Variants in EVC2 observed in about 807,000 individuals in gnomAD.
EVC2 encodes limbin.
Under a neutral mutation model 149.3 loss-of-function variants are expected in EVC2, and 148 were observed. The observed-to-expected ratio is 0.99, with a 90% CI of 0.87 to 1.14. The LOEUF (loss-of-function observed/expected upper bound fraction) is 1.14, where lower values mean the gene tolerates loss of function less well. Among genes scored for constraint, EVC2 ranks in the 50% most tolerant of loss-of-function variants. EVC2 has a pLI of 0.00. For missense variants in EVC2, 1,854 were observed against 1,627.3 expected, an observed-to-expected ratio of 1.14 and a Z score of -2.40; for synonymous variants, 776 against 649.9, an observed-to-expected ratio of 1.19 and a Z score of -2.95.
chr4:5,647,776 A>T (rs1717830484), intron 9 of EVC2, among the ~76,000 whole-genome samples: 1 of 152,216 alleles, frequency 6.6e-6, no homozygotes, highest in Non-Finnish European at 1.5e-5. Flanking sequence ...GTTTCATGGC[A>T]AAGGGGAATT....
rs893890130 is a variant in EVC2 at position 5,689,204 on chromosome 4, T to A, written c.659A>T (p.Asn220Ile). ...AGLTIWDSVG[N>I]RTSEGFQAFS... ...AGCCTGGAATCCTTCCGAGGTCCTG[T>A]TTCCCACAGAGTCCCAAATGGTGAG... The change falls in exon 5 of 22, where the codon AAC (asparagine) becomes ATC (isoleucine). Residue 220 changes from asparagine (N) to isoleucine (I), a missense_variant. Coordinates refer to ENST00000344408, the MANE Select transcript of EVC2 (RefSeq NM_147127.5). The A allele has an allele frequency of 1.2e-6, 2 of 1,614,216 alleles. No individual in the cohort carries two copies. The highest frequency in any genetic ancestry group is 8.5e-7 in the Non-Finnish European group (1 of 1,180,034).
chr4:5,554,009 T>C (rs1346618426), intron 21 of EVC2, among the ~76,000 whole-genome samples: 6 of 152,114 alleles, frequency 3.9e-5, no homozygotes, highest in African/African-American at 1.4e-4. Context: ...CACATATGCA[T>C]TGCCATATAC....
chr4:5,692,788 A>C (rs1721203338), intron 3 of EVC2, among the ~76,000 whole-genome samples: 1 of 145,692 alleles, frequency 6.9e-6, no homozygotes, highest in South Asian at 2.2e-4. Flanking sequence ...AATGGCGTGA[A>C]CCCGGGAAGC....
chr4:5,573,838 T>C (rs948112485), intron 19 of EVC2, among the ~76,000 whole-genome samples: 3 of 152,058 alleles, frequency 2.0e-5, no homozygotes, highest in African/African-American at 7.2e-5. Flanking sequence ...GACTCGCACC[T>C]CCCCTGCAGC....
chr4:5,584,808 C>T lies in EVC2; in HGVS notation c.2872G>A (p.Ala958Thr). 3 of 1,614,162 alleles carry T rather than the reference C, an allele frequency of 1.9e-6. No individual in the cohort carries two copies. The highest frequency in any genetic ancestry group is 1.1e-5 in the South Asian group (1 of 91,086). ...GACTGTGCAAAGCCTCCCTCCTGTGCCTCCATCCGCTGCACTCTCTCCCGC... is the reference window on the plus strand; with the variant it reads ...GACTGTGCAAAGCCTCCCTCCTGTGTCTCCATCCGCTGCACTCTCTCCCGC... Reference protein sequence around the residue: ...LLRERVQRMEAQEGGFAQSLV... With the variant: ...LLRERVQRMETQEGGFAQSLV... Residue 958 changes from alanine (A) to threonine (T), a missense_variant, in exon 17 of 22, where the codon GCA becomes ACA. Transcript: ENST00000344408.
chr4:5,587,060 C>T (rs1027517382), intron 16 of EVC2, among the ~76,000 whole-genome samples: 3 of 152,192 alleles, frequency 2.0e-5, no homozygotes, highest in South Asian at 2.1e-4. Context: ...ACGTTAAAAA[C>T]GTCACACTCC....
intron 21 of EVC2, among the ~76,000 whole-genome samples, chr4:5,554,041 G>A (rs933891852): frequency 6.6e-6 from 1 of 152,150 alleles, no homozygotes; most frequent in Non-Finnish European, 1.5e-5. Context: ...GAAAAAATAG[G>A]AACATGACAG....
At chr4:5,655,468 C>T (rs1200488257) in intron 9 of EVC2, among the ~76,000 whole-genome samples, 1 of 152,146 alleles carries the variant, frequency 6.6e-6, no homozygotes, top group Non-Finnish European at 1.5e-5. Flanking sequence ...CTGTGTCCAG[C>T]CTCCTGCAGT....
chr4:5,691,275 T>G lies in EVC2; in HGVS notation c.509A>C (p.Lys170Thr). 6.2e-7 allele frequency: 1 copy of G among 1,613,602 alleles called. No homozygotes were observed. The highest frequency in any genetic ancestry group is 8.5e-7 in the Non-Finnish European group (1 of 1,179,628). The change falls in exon 4 of 22, where the codon AAA (lysine) becomes ACA (threonine). Residue 170 changes from lysine (K) to threonine (T), a missense_variant. By Grantham distance (78) the Lys-to-Thr change is moderately conservative. Transcript: ENST00000344408. ...CCAGTGGAAACTTACCAGTGCACAT[T>G]TCTGAAAAATTACTCCATTTTCAGA... ...GTSENGVIFQ[K>T]CALVSGSSEA...
At chr4:5,595,635 T>C (rs373438134) in intron 16 of EVC2, among the ~76,000 whole-genome samples, 4 of 152,232 alleles carry the variant, frequency 2.6e-5, no homozygotes, top group Non-Finnish European at 4.4e-5. Context: ...TAAAGACCAT[T>C]GAGGCTAGGA....
intron 7 of EVC2, among the ~76,000 whole-genome samples, chr4:5,676,925 C>G (rs372606924): frequency 2.6e-5 from 4 of 152,066 alleles, no homozygotes; most frequent in African/African-American, 9.7e-5. Context: ...TGCTGCCGCA[C>G]GCTCCATTAC....
chr4:5,608,812 C>T (rs1321927609), intron 16 of EVC2, among the ~76,000 whole-genome samples: 1 of 152,094 alleles, frequency 6.6e-6, no homozygotes, highest in African/African-American at 2.4e-5. Flanking sequence ...GGATTACAGG[C>T]ATGAGCCACG....
chr4:5,632,653 G>C (rs757400201), intron 10 of EVC2, among the ~76,000 whole-genome samples: 3 of 152,138 alleles, frequency 2.0e-5, no homozygotes, highest in African/African-American at 7.2e-5. Flanking sequence ...CCCAAGTGGA[G>C]ATCCTTTGGG....
chr4:5,531,246 C>T, the EVC2 span, among the ~76,000 whole-genome samples: 7 of 152,112 alleles, frequency 4.6e-5, no homozygotes, highest in East Asian at 1.9e-4. Flanking sequence ...TTACCCAGGG[C>T]GCTCCAGGGA....
chr4:5,705,195 A>G (rs1159261184), intron 1 of EVC2, among the ~76,000 whole-genome samples: 1 of 152,216 alleles, frequency 6.6e-6, no homozygotes, highest in African/African-American at 2.4e-5. Flanking sequence ...TACTTCAAGT[A>G]AAATAACGAA....
chr4:5,662,098 C>G (rs1380883629), intron 9 of EVC2, among the ~76,000 whole-genome samples: 1 of 152,154 alleles, frequency 6.6e-6, no homozygotes, highest in Non-Finnish European at 1.5e-5. Context: ...ATTTTCTATA[C>G]TCAATACCCC....
At position 5,663,155 on chromosome 4, in the gene EVC2, T is replaced by G. The variant is rs1719016820; in HGVS notation, c.1097A>C (p.Asp366Ala). 1 of 1,614,064 alleles carries G rather than the reference T, an allele frequency of 6.2e-7. No homozygotes were observed. The highest frequency in any genetic ancestry group is 1.7e-5 in the Admixed American group (1 of 60,008). ...EDLSLNDQMI[D>A]ILSSEDPGSM... Reference sequence around the variant, plus strand: ...CCCAGGGTCCTCGGAAGACAGAATGTCTATCATTTGGTCGTTAAGGGAAAG... The same window carrying G: ...CCCAGGGTCCTCGGAAGACAGAATGGCTATCATTTGGTCGTTAAGGGAAAG... Residue 366 changes from aspartate to alanine, a missense_variant, in exon 9 of 22, where the codon GAC (aspartate) becomes GCC (alanine). Asp to Ala is a moderately radical substitution (Grantham distance 126). Transcript: ENST00000344408.
intron 6 of EVC2, among the ~76,000 whole-genome samples, chr4:5,683,598 G>C (rs1038849400): frequency 3.3e-5 from 5 of 152,266 alleles, no homozygotes; most frequent in Admixed American, 1.3e-4. Flanking sequence ...GTGAGGGAGT[G>C]GGGGAGGGGT....
intron 16 of EVC2, among the ~76,000 whole-genome samples, chr4:5,585,455 T>C (rs1377093102): frequency 6.6e-6 from 1 of 152,234 alleles, no homozygotes; most frequent in Non-Finnish European, 1.5e-5. Context: ...TTGTTCCATG[T>C]AGGCTTCAAA....
Sources: allele counts gnomAD v4.1 joint callset (sites outside exome capture counted in the v4.1 genomes callset), GRCh38; gene constraint gnomAD v4.1.1; transcripts MANE v1.5; gene names NCBI Gene and HGNC (gene_info 2026-07-23, HGNC 2026-07-21).